The following NR2E3 variants were observed in gnomAD, a reference collection of about 807,000 sequenced individuals.
NR2E3 encodes the protein photoreceptor-specific nuclear receptor.
In NR2E3, 38 loss-of-function variants were observed where a neutral mutation model predicts 37.6. That is an observed-to-expected ratio of 1.01 (90% CI 0.78 to 1.33). NR2E3 has a LOEUF of 1.33. Ranked by LOEUF, NR2E3 falls within the 40% of genes most tolerant of loss-of-function variation. NR2E3 has a pLI of 0.00. For missense variants in NR2E3, 562 were observed against 558.7 expected (o/e 1.01, Z -0.06); for synonymous variants, 235 against 225.1 (o/e 1.04, Z -0.39).
In NR2E3 at chr15:71,812,102, C is replaced by G. The variant is rs1223029749; in HGVS notation, c.497C>G (p.Ala166Gly). 6.4e-6 allele frequency: 10 copies of G among 1,555,960 alleles called. No homozygotes were observed. The highest frequency in any genetic ancestry group is 8.7e-6 in the Non-Finnish European group (10 of 1,150,188). The change falls in exon 4 of 8, where the codon GCC becomes GGC. Residue 166 changes from alanine (A) to glycine (G), a missense_variant. Coordinates refer to ENST00000617575, the MANE Select transcript of NR2E3 (RefSeq NM_014249.4). ...SPRGPTPMSA[A>G]RALGHHFMAS... ...CGGGGCCCCACACCCATGTCTGCAG[C>G]CAGAGCCCTGGGCCACCACTTCATG...
At position 71,811,137 on chromosome 15, in the gene NR2E3, A is replaced by G. The variant is rs1432420865; in HGVS notation, c.118+276A>G. Reference sequence around the variant, plus strand: ...AGAAGCGCCCTTAGGGCTTAACAGCACAGAGGTCCCTAGTGGCGTTGACAA... The same window carrying G: ...AGAAGCGCCCTTAGGGCTTAACAGCGCAGAGGTCCCTAGTGGCGTTGACAA... On this transcript the variant is annotated intron_variant, in intron 1 of 7. Transcript: ENST00000617575. This position sits in a 1 kb window ranked among gnomAD's most constrained non-coding sequence, Gnocchi z 5.6. Among the ~76,000 whole-genome samples, 2 of 152,152 alleles carry G rather than the reference A, an allele frequency of 1.3e-5. No homozygotes were observed. Among genetic ancestry groups the G allele is most frequent in the Non-Finnish European group, 2.9e-5 (2 of 68,008 alleles).
chr15:71,814,719 C>G lies in NR2E3; in HGVS notation c.1100+602C>G, dbSNP rs140787956. ...AGGTTTCCGAGCAGAGGGTCATACA[C>G]AGGGCTGGACCTCACGCAGACTGGC... On this transcript the variant is annotated intron_variant, in intron 7 of 7. Coordinates refer to ENST00000617575, the MANE Select transcript of NR2E3 (RefSeq NM_014249.4). 1.1e-4 allele frequency: 109 copies of G among 986,258 alleles called. No individual in the cohort carries two copies. The African/African-American group carries it at 1.8e-3, about 16-fold the overall frequency. 61.1% of individuals were successfully genotyped at this position (986,258 alleles called of 1,614,324 possible).
chr15:71,812,963 T>A (rs1252748407), intron 5 of NR2E3, among the ~76,000 whole-genome samples: 1 of 152,082 alleles, frequency 6.6e-6, no homozygotes, highest in Non-Finnish European at 1.5e-5. Flanking sequence ...CCCTCTCGGC[T>A]TCTAATGGGC....
In NR2E3 at chr15:71,811,716, T is replaced by A; in HGVS notation, c.246-50T>A. On this transcript the variant is annotated intron_variant, in intron 2 of 7. Transcript: ENST00000617575. This position sits in a 1 kb window ranked among gnomAD's most constrained non-coding sequence, Gnocchi z 5.6. ...GGGCAAAAATGTCCAAGCCCATGGC[T>A]CAGGGCATGGGAGGGACACTGACCC... 3 of 1,544,600 alleles carry A rather than the reference T, an allele frequency of 1.9e-6. No individual in the cohort carries two copies. Among genetic ancestry groups the A allele is most frequent in the Non-Finnish European group, 2.6e-6 (3 of 1,140,850 alleles).
chr15:71,816,729 T>C (rs1049878957), intron 7 of NR2E3, among the ~76,000 whole-genome samples: 2 of 152,124 alleles, frequency 1.3e-5, no homozygotes, highest in African/African-American at 4.8e-5. Flanking sequence ...TAAAAACTAA[T>C]CATATAATTA....
In NR2E3 at chr15:71,812,118, C is replaced by T. The variant is rs1170127722; in HGVS notation, c.513C>T (p.His171=). ...TPMSAARALG[H]HFMASLITAE... ...TGTCTGCAGCCAGAGCCCTGGGCCACCACTTCATGGCCAGCCTTATAACAG... is the reference window on the plus strand; with the variant it reads ...TGTCTGCAGCCAGAGCCCTGGGCCATCACTTCATGGCCAGCCTTATAACAG... The change falls in exon 4 of 8, where the codon CAC becomes CAT. Residue 171 remains histidine (H), a synonymous_variant. Transcript: ENST00000617575. 1 of 1,558,876 alleles carries T rather than the reference C, an allele frequency of 6.4e-7. No homozygotes were observed. The highest frequency in any genetic ancestry group is 8.7e-7 in the Non-Finnish European group (1 of 1,151,764).
intron 1 of NR2E3, 129 bp downstream of exon 1, chr15:71,810,990 T>G: frequency 3.3e-6 from 3 of 914,734 alleles, no homozygotes; most frequent in Non-Finnish European, 3.1e-6. Context: ...TGGGCAAGGG[T>G]GGGGTAGCCT....
intron 7 of NR2E3, among the ~76,000 whole-genome samples, chr15:71,816,002 C>T (rs2054223398): frequency 6.6e-6 from 1 of 152,196 alleles, no homozygotes; most frequent in South Asian, 2.1e-4. Context: ...CTCAGTGCTG[C>T]TCACTTGGCA....
rs1354656734 is a variant in NR2E3, at chr15:71,812,037, G to A, written c.432G>A (p.Glu144=). 1 of 1,554,260 alleles carries A rather than the reference G, an allele frequency of 6.4e-7. No homozygotes were observed. Among genetic ancestry groups the A allele is most frequent in the Admixed American group, 2.0e-5 (1 of 51,246 alleles). The part of the protein sequence containing the change: ...SMESNTESRP[E]SLVAPPAPAG... Reference sequence around the variant, plus strand: ...AGTCCAACACTGAGTCCCGGCCGGAGTCCCTGGTGGCTCCCCCGGCCCCGG... The same window carrying A: ...AGTCCAACACTGAGTCCCGGCCGGAATCCCTGGTGGCTCCCCCGGCCCCGG... The change falls in exon 4 of 8, where the codon GAG becomes GAA. Residue 144 remains glutamate, a synonymous_variant. Transcript: ENST00000617575.
chr15:71,818,229 TAAAAA>T lies in NR2E3; in HGVS notation c.*553_*557del. 1 of 128,902 alleles carries T rather than the reference TAAAAA, an allele frequency of 7.8e-6. No homozygotes were observed. The highest frequency in any genetic ancestry group is 2.2e-4 in the East Asian group (1 of 4,592). The allele number at this position is 128,902 out of a possible 1,614,324, so 8.0% of individuals were successfully genotyped here. On this transcript the variant is annotated 3_prime_UTR_variant, in exon 8 of 8. Coordinates refer to ENST00000617575, the MANE Select transcript of NR2E3 (RefSeq NM_014249.4). Reference sequence around the variant, plus strand: ...ATTTTGTTAGACCTCAATAAAAAAGTAAAAAAAAAAAACAAAAAAAACCAGAAAAA... The same window carrying T: ...ATTTTGTTAGACCTCAATAAAAAAGTAAAAAAACAAAAAAAACCAGAAAAA...
intron 5 of NR2E3, 50 bp downstream of exon 5, chr15:71,812,561 G>T: frequency 6.6e-7 from 1 of 1,514,026 alleles, no homozygotes; most frequent in Non-Finnish European, 8.9e-7. Context: ...GGGGTCAGGC[G>T]GCCCACTCGA....
chr15:71,817,573 C>G lies in NR2E3; in HGVS notation c.1122C>G (p.Leu374=), dbSNP rs1204834613. The G allele has an allele frequency of 6.3e-7, 1 of 1,599,480 alleles. No individual in the cohort carries two copies. The highest frequency in any genetic ancestry group is 8.6e-7 in the Non-Finnish European group (1 of 1,168,204). Residue 374 remains leucine, a synonymous_variant, in exon 8 of 8, where the codon CTC becomes CTG. Coordinates refer to ENST00000617575, the MANE Select transcript of NR2E3 (RefSeq NM_014249.4). ...TCAGGTTTGGGAAATTGCTCCTGCT[C>G]CTCCCGTCTTTGAGGTTTATCACTG... ...QPVRFGKLLL[L]LPSLRFITAE... is the part of the protein sequence containing the mutation.
In NR2E3 at chr15:71,814,006, C is replaced by T. The variant is rs773924677; in HGVS notation, c.995-6C>T. 3.7e-6 allele frequency: 6 copies of T among 1,609,592 alleles called. No individual in the cohort carries two copies. The highest frequency in any genetic ancestry group is 2.2e-5 in the South Asian group (2 of 89,754). On this transcript the variant is annotated splice_region_variant and splice_polypyrimidine_tract_variant and intron_variant, in intron 6 of 7. Coordinates refer to ENST00000617575, the MANE Select transcript of NR2E3 (RefSeq NM_014249.4). ...TGCTAAGCTCACTGGTGCTGCTTCT[C>T]CCCAGAGACGCGGGGCCTGAAGGAT...
Position 71,817,892 on chromosome 15 carries a change from G to A in NR2E3, c.*208G>A. On this transcript the variant is annotated 3_prime_UTR_variant, in exon 8 of 8. Transcript: ENST00000617575. Reference sequence around the variant, plus strand: ...ATGGTAGGATGAATTAACAAGTTGTGGTATATTCATATAATGAAAAATAAT... The same window carrying A: ...ATGGTAGGATGAATTAACAAGTTGTAGTATATTCATATAATGAAAAATAAT... 15 of 397,646 alleles carry A rather than the reference G, an allele frequency of 3.8e-5. No homozygotes were observed. Among genetic ancestry groups the A allele is most frequent in the South Asian group, 1.7e-4 (2 of 11,734 alleles). 24.6% of individuals were successfully genotyped at this position (397,646 alleles called of 1,614,324 possible).
In NR2E3 at chr15:71,812,187, G is replaced by A. The variant is rs1325120302; in HGVS notation, c.571+11G>A. ...TGGAGCCAGAGGATGGTGAGTGGGA[G>A]AGCAGCTGAGGGCACAGCAGGGCTT... On this transcript the variant is annotated intron_variant, in intron 4 of 7. Coordinates refer to ENST00000617575, the MANE Select transcript of NR2E3 (RefSeq NM_014249.4). 4 of 1,592,642 alleles carry A rather than the reference G, an allele frequency of 2.5e-6. No homozygotes were observed. Among genetic ancestry groups the A allele is most frequent in the Non-Finnish European group, 3.4e-6 (4 of 1,169,990 alleles).
In NR2E3 at chr15:71,813,745, T is replaced by TA. The variant is rs2054205895; in HGVS notation, c.994+110_994+111insA. ...TGCAGATGTGTGTAGGCCTCTATCC[T>TA]GGGGGGTGGGAGGAGAGTGGTGAGG... On this transcript the variant is annotated intron_variant, in intron 6 of 7. Coordinates refer to ENST00000617575, the MANE Select transcript of NR2E3 (RefSeq NM_014249.4). This position sits in a 1 kb window ranked among gnomAD's most constrained non-coding sequence, Gnocchi z 4.7. The TA allele has an allele frequency of 1.3e-6, 2 of 1,548,124 alleles. No individual in the cohort carries two copies. The highest frequency in any genetic ancestry group is 4.5e-5 in the East Asian group (2 of 44,330).
rs986738235 is a variant in NR2E3, at chr15:71,811,589, A to G, written c.225A>G (p.Val75=). ...GCAGCGGCTTCTTCAAGAGGAGCGT[A>G]CGGCGGAGGCTCATCTACAGGTGAG... ...NGCSGFFKRS[V]RRRLIYRCQV... The change falls in exon 2 of 8, where the codon GTA becomes GTG. Residue 75 remains valine, a synonymous_variant. Transcript: ENST00000617575. This position sits in a 1 kb window ranked among gnomAD's most constrained non-coding sequence, Gnocchi z 5.6. The G allele has an allele frequency of 6.2e-7, 1 of 1,604,312 alleles. No homozygotes were observed. Among genetic ancestry groups the G allele is most frequent in the Non-Finnish European group, 8.5e-7 (1 of 1,176,032 alleles).
chr15:71,814,264 A>G, intron 7 of NR2E3, 147 bp downstream of exon 7: 1 of 1,437,284 alleles, frequency 7.0e-7, no homozygotes, highest in Non-Finnish European at 9.1e-7. Flanking sequence ...TGTCCCAGGC[A>G]CAGTGCCAGG....
chr15:71,813,564 C>G lies in NR2E3; in HGVS notation c.923C>G (p.Ser308Cys), dbSNP rs1056298347. The change falls in exon 6 of 8, where the codon TCT becomes TGT. Residue 308 changes from serine to cysteine, a missense_variant. Transcript: ENST00000617575. This position sits in a 1 kb window ranked among gnomAD's most constrained non-coding sequence, Gnocchi z 4.7. The stretch of plus-strand genomic sequence containing the variant: ...ACGCGTGTCCTGCAGGAAACTATCT[C>G]TCGGTTCCGGGCATTGGCGGTGGAC... ...METRVLQETI[S>C]RFRALAVDPT... 3 of 1,613,984 alleles carry G rather than the reference C, an allele frequency of 1.9e-6. No individual in the cohort carries two copies. The highest frequency in any genetic ancestry group is 2.5e-6 in the Non-Finnish European group (3 of 1,179,874).
Sources: allele counts gnomAD v4.1 joint callset (sites outside exome capture counted in the v4.1 genomes callset), GRCh38; gene constraint gnomAD v4.1.1; non-coding constraint Gnocchi (gnomAD v3.1); transcripts MANE v1.5; gene names NCBI Gene and HGNC (gene_info 2026-07-23, HGNC 2026-07-21).